CAMKMT: variants seen among roughly 807,000 people sequenced by gnomAD.
The protein encoded by CAMKMT is calmodulin-lysine N-methyltransferase, also known as CaM KMT.
Under a neutral mutation model 48.0 loss-of-function variants are expected in CAMKMT, and 53 were observed. That is an observed-to-expected ratio of 1.10 (90% CI 0.89 to 1.39). The LOEUF (loss-of-function observed/expected upper bound fraction) is 1.39. Among genes scored for constraint, CAMKMT ranks in the 40% most tolerant of loss-of-function variants. The pLI, the probability that CAMKMT is intolerant of heterozygous loss-of-function variation, is 0.00. For missense variants in CAMKMT, 428 were observed against 402.7 expected, an observed-to-expected ratio of 1.06 and a Z score of -0.54; for synonymous variants, 165 against 152.3, an observed-to-expected ratio of 1.08 and a Z score of -0.61.
chr2:44,766,357 C>T (rs1680840756), intron 9 of CAMKMT, 73 bp from the exon 10 acceptor site: 2 of 1,562,942 alleles, frequency 1.3e-6, no homozygotes, highest in African/African-American at 1.4e-5. Context: ...ACATTAAATG[C>T]TTTGACCAAT....
At position 44,704,352 on chromosome 2, in the gene CAMKMT, C is replaced by G; in HGVS notation, c.437+9C>G. ...CACAATAATATATTCAGGTACAGAGCTGCACTTAAGATATTTTTTAGCCCA... is the reference window on the plus strand; with the variant it reads ...CACAATAATATATTCAGGTACAGAGGTGCACTTAAGATATTTTTTAGCCCA... On this transcript the variant is annotated intron_variant, in intron 4 of 10. Transcript: ENST00000378494. 1 of 1,559,054 alleles carries G rather than the reference C, an allele frequency of 6.4e-7. No individual in the cohort carries two copies. The highest frequency in any genetic ancestry group is 8.7e-7 in the Non-Finnish European group (1 of 1,149,060).
At chr2:44,591,378 A>G (rs2103817688) in intron 3 of CAMKMT, among the ~76,000 whole-genome samples, 1 of 152,134 alleles carries the variant, frequency 6.6e-6, no homozygotes, top group East Asian at 1.9e-4. Flanking sequence ...GATTCTTCCT[A>G]CCCATGAGCA....
rs1329066936 is a variant in CAMKMT, at chr2:44,672,393, A to T, written c.377-31890A>T. Among the ~76,000 whole-genome samples, 148 of 152,312 alleles carry T rather than the reference A, an allele frequency of 9.7e-4. 1 individual carries two copies. The highest frequency in any genetic ancestry group is 3.4e-3 in the African/African-American group (140 of 41,560). ...CCACTTTTCTAGTTTTCGTGGCTAA[A>T]ATAGTAAATAATTTTGTGGGTTTTT... On this transcript the variant is annotated intron_variant, in intron 3 of 10. Transcript: ENST00000378494.
intron 3 of CAMKMT, among the ~76,000 whole-genome samples, chr2:44,581,142 T>C (rs775988075): frequency 2.0e-4 from 31 of 152,154 alleles, no homozygotes; most frequent in Non-Finnish European, 3.2e-4. Flanking sequence ...ATGTTTCCGA[T>C]GAGATCAAAA....
chr2:44,516,241 C>T (rs1270474218), intron 3 of CAMKMT, among the ~76,000 whole-genome samples: 1 of 152,172 alleles, frequency 6.6e-6, no homozygotes, highest in Non-Finnish European at 1.5e-5. Context: ...GTACCTTTCC[C>T]ACTGCGAGTT....
rs1553435760 is a variant in CAMKMT, at chr2:44,673,471, G to GGA, written c.377-30812_377-30811insGA. ...AGAGAGAAAGAGAAAGAAAGAGAGA[G>GGA]AGGAAGGAAGGAAGGAAGGAAGGAA... On this transcript the variant is annotated intron_variant, in intron 3 of 10. Transcript: ENST00000378494. Among the ~76,000 whole-genome samples the GGA allele has an allele frequency of 1.9e-3, 224 of 116,850 alleles. 4 individuals are homozygous for GGA. Among genetic ancestry groups the GGA allele is most frequent in the East Asian group, 0.013 (52 of 3,972 alleles). The allele number at this position is 116,850 out of a possible 152,430, so 76.7% of individuals were successfully genotyped here.
intron 7 of CAMKMT, among the ~76,000 whole-genome samples, chr2:44,734,544 G>A (rs577362825): frequency 2.6e-5 from 4 of 151,832 alleles, no homozygotes; most frequent in Admixed American, 2.6e-4. Context: ...CCTCCTGAGT[G>A]GCTGGGACTA....
Position 44,362,068 on chromosome 2 carries a change from C to A in CAMKMT, c.61C>A (p.Pro21Thr). The A allele has an allele frequency of 6.9e-7, 1 of 1,444,064 alleles. No individual in the cohort carries two copies. 89.5% of individuals were successfully genotyped at this position (1,444,064 alleles called of 1,614,324 possible). Reference sequence around the variant, plus strand: ...GACCGCGCGAGCAGCGGGCGGGAGTCCGGCAGTTGGCTGCACCACTCGGGG... The same window carrying A: ...GACCGCGCGAGCAGCGGGCGGGAGTACGGCAGTTGGCTGCACCACTCGGGG... ...GETARAAGGSPAVGCTTRGPV... is the reference protein window; with the variant it reads ...GETARAAGGSTAVGCTTRGPV... Residue 21 changes from proline to threonine, a missense_variant, in exon 1 of 11, where the codon CCG (proline) becomes ACG (threonine). Transcript: ENST00000378494.
chr2:44,628,542 T>C (rs1026419601), intron 3 of CAMKMT, among the ~76,000 whole-genome samples: 7 of 151,720 alleles, frequency 4.6e-5, no homozygotes, highest in Non-Finnish European at 1.0e-4. Flanking sequence ...CAAACCTTTT[T>C]TTCTAAGTTT....
At chr2:44,705,895 G>A (rs903456497) in intron 4 of CAMKMT, among the ~76,000 whole-genome samples, 2 of 151,848 alleles carry the variant, frequency 1.3e-5, no homozygotes, top group Non-Finnish European at 2.9e-5. Flanking sequence ...TCATTTACTT[G>A]TCTAACTGTT....
At chr2:44,429,346 C>G (rs989837561) in intron 3 of CAMKMT, among the ~76,000 whole-genome samples, 5 of 151,510 alleles carry the variant, frequency 3.3e-5, no homozygotes, top group Non-Finnish European at 5.9e-5. Flanking sequence ...TTAATTCAAA[C>G]TAATATTTCT....
chr2:44,362,746 C>T (rs189664635), intron 1 of CAMKMT, among the ~76,000 whole-genome samples: 116 of 152,304 alleles, frequency 7.6e-4, no homozygotes, highest in African/African-American at 2.7e-3. Context: ...CGAGATTCTC[C>T]GTGTCCAAGG....
intron 3 of CAMKMT, among the ~76,000 whole-genome samples, chr2:44,698,844 C>T (rs1677107914): frequency 6.6e-6 from 1 of 152,220 alleles, no homozygotes; most frequent in Non-Finnish European, 1.5e-5. Context: ...TGGAGTCAAT[C>T]CTCTCAAACC....
chr2:44,470,351 T>G (rs941039574), intron 3 of CAMKMT, among the ~76,000 whole-genome samples: 6 of 152,224 alleles, frequency 3.9e-5, no homozygotes, highest in Non-Finnish European at 5.9e-5. Context: ...CAGCCACTTG[T>G]CCTTTGTGAG....
intron 3 of CAMKMT, among the ~76,000 whole-genome samples, chr2:44,406,499 G>GTT (rs1005367986): frequency 6.6e-6 from 1 of 151,892 alleles, no homozygotes; most frequent in Non-Finnish European, 1.5e-5. Flanking sequence ...CTTTGTGTGT[G>GTT]TGTGTGTTTA....
chr2:44,586,148 G>A (rs903898152), intron 3 of CAMKMT, among the ~76,000 whole-genome samples: 18 of 152,174 alleles, frequency 1.2e-4, no homozygotes, highest in African/African-American at 2.9e-4. Flanking sequence ...GCAGCCTTCT[G>A]CCCAAGGTGG....
chr2:44,411,344 T>C (rs1683192275), intron 3 of CAMKMT, among the ~76,000 whole-genome samples: 1 of 152,200 alleles, frequency 6.6e-6, no homozygotes, highest in African/African-American at 2.4e-5. Context: ...AAAAAAGACA[T>C]TGTCTTATAG....
chr2:44,615,348 C>T (rs6745270), intron 3 of CAMKMT, among the ~76,000 whole-genome samples: 83,536 of 151,848 alleles, frequency 0.55, 23,869 homozygotes, highest in Middle Eastern at 0.66. Context: ...CATTTGGGGC[C>T]GGGGAAGAGC....
At chr2:44,433,919 CTG>C (rs1486206502) in intron 3 of CAMKMT, among the ~76,000 whole-genome samples, 1 of 152,080 alleles carries the variant, frequency 6.6e-6, no homozygotes, top group African/African-American at 2.4e-5. Context: ...GGTGGTGTGT[CTG>C]TGTGCCGTGG....
Sources: allele counts gnomAD v4.1 joint callset (sites outside exome capture counted in the v4.1 genomes callset), GRCh38; gene constraint gnomAD v4.1.1; transcripts MANE v1.5; gene names NCBI Gene and HGNC (gene_info 2026-07-23, HGNC 2026-07-21).